Variants in GOT1 observed in about 807,000 individuals in gnomAD.
GOT1 encodes aspartate aminotransferase, cytoplasmic.
In GOT1, 25 loss-of-function variants were observed where a neutral mutation model predicts 48.2. That is an observed-to-expected ratio of 0.52 (90% confidence interval 0.38 to 0.72). GOT1 has a LOEUF of 0.72. Ranked by LOEUF, GOT1 falls within the 30% of genes least tolerant of loss-of-function variation. GOT1 has a pLI of 0.00. For missense variants in GOT1, 380 were observed against 520.1 expected (o/e 0.73, Z 2.62); for synonymous variants, 188 against 193.8 (o/e 0.97, Z 0.25).
At chr10:99,417,727 A>G (rs1161902719) in intron 2 of GOT1, among the ~76,000 whole-genome samples, 1 of 151,692 alleles carries the variant, frequency 6.6e-6, no homozygotes, top group Non-Finnish European at 1.5e-5. Flanking sequence ...GGCACATATA[A>G]AAGGATGAGT....
chr10:99,420,069 C>T (rs2032947062), intron 2 of GOT1, among the ~76,000 whole-genome samples: 1 of 152,180 alleles, frequency 6.6e-6, no homozygotes, highest in Admixed American at 6.5e-5. Context: ...CTACTAGTAG[C>T]TCCTGAACCC....
intron 1 of GOT1, 54 bp downstream of exon 1, chr10:99,430,394 T>C: frequency 3.1e-6 from 5 of 1,604,468 alleles, no homozygotes; most frequent in Non-Finnish European, 4.3e-6. Flanking sequence ...ACGACCTGGG[T>C]TGGGTCCGCT....
At chr10:99,398,676 A>G (rs1254635200) in intron 8 of GOT1, among the ~76,000 whole-genome samples, 1 of 152,048 alleles carries the variant, frequency 6.6e-6, no homozygotes. Context: ...GTCTCAAAAA[A>G]AAAAAGAATT....
chr10:99,410,857 A>C (rs1456194816), intron 2 of GOT1, among the ~76,000 whole-genome samples: 1 of 152,234 alleles, frequency 6.6e-6, no homozygotes, highest in Non-Finnish European at 1.5e-5. Context: ...CTGGGTAAAC[A>C]AGAGTATCCA....
chr10:99,397,395 G>C lies in GOT1; in HGVS notation c.*152C>G. 1.3e-6 allele frequency: 1 copy of C among 761,924 alleles called. No individual in the cohort carries two copies. 47.2% of individuals were successfully genotyped at this position (761,924 alleles called of 1,614,324 possible). Reference sequence around the variant, plus strand: ...TCGTCTCAAGGGATGTTCTCTTCATGTGGGGCCGGTTTAAACAGAGGCTGC... The same window carrying C: ...TCGTCTCAAGGGATGTTCTCTTCATCTGGGGCCGGTTTAAACAGAGGCTGC... On this transcript the variant is annotated 3_prime_UTR_variant, in exon 9 of 9. Coordinates refer to ENST00000370508, the MANE Select transcript of GOT1 (RefSeq NM_002079.3). This position sits in a 1 kb window ranked among gnomAD's most constrained non-coding sequence, Gnocchi z 5.4.
Position 99,430,501 on chromosome 10 carries a change from G to A in GOT1, c.65C>T (p.Thr22Ile). Residue 22 changes from threonine (T) to isoleucine (I), a missense_variant, in exon 1 of 9, where the codon ACT becomes ATT. Physicochemically the swap from Thr to Ile is moderately conservative, Grantham distance 89. Coordinates refer to ENST00000370508, the MANE Select transcript of GOT1 (RefSeq NM_002079.3). ...GTCCGGATCCTCCCTGAAGTCGGCA[G>A]TGAGCTTGAAGACCAGGACAGGCTG... ...QAQPVLVFKLTADFREDPDPR... is the reference protein window; with the variant it reads ...QAQPVLVFKLIADFREDPDPR... 6.2e-7 allele frequency: 1 copy of A among 1,612,704 alleles called. No individual in the cohort carries two copies. Among genetic ancestry groups the A allele is most frequent in the Non-Finnish European group, 8.5e-7 (1 of 1,179,114 alleles).
intron 8 of GOT1, among the ~76,000 whole-genome samples, chr10:99,398,125 T>C (rs1021437559): frequency 2.0e-5 from 3 of 152,304 alleles, no homozygotes; most frequent in Admixed American, 1.3e-4. Context: ...TTACAATACA[T>C]TGGGTAAGGC....
chr10:99,397,529 T>G lies in GOT1; in HGVS notation c.*18A>C, dbSNP rs767829544. On this transcript the variant is annotated 3_prime_UTR_variant, in exon 9 of 9. Transcript: ENST00000370508. The surrounding 1 kb of genome is among the most constrained non-coding windows in gnomAD (Gnocchi z 5.4). Reference sequence around the variant, plus strand: ...TGACAGAGAACTACTTTGGTGGTACTGGACGGGTGGTGTTTCTTCACTGGA... The same window carrying G: ...TGACAGAGAACTACTTTGGTGGTACGGGACGGGTGGTGTTTCTTCACTGGA... 1 of 1,613,040 alleles carries G rather than the reference T, an allele frequency of 6.2e-7. No homozygotes were observed. The highest frequency in any genetic ancestry group is 8.5e-7 in the Non-Finnish European group (1 of 1,179,580).
chr10:99,415,117 C>T (rs1589940169), intron 2 of GOT1, among the ~76,000 whole-genome samples: 1 of 152,036 alleles, frequency 6.6e-6, no homozygotes, highest in South Asian at 2.1e-4. Context: ...GAGACAGAGA[C>T]ACAAAAAACC....
At chr10:99,405,630 A>AT (rs1025431165) in intron 5 of GOT1, 126 bp downstream of exon 5, 3 of 617,870 alleles carry the variant, frequency 4.9e-6, no homozygotes, top group Admixed American at 2.7e-5. Flanking sequence ...GTTAATACTT[A>AT]TTTTCTTCTT....
At chr10:99,399,915 A>G (rs1236311888) in intron 8 of GOT1, among the ~76,000 whole-genome samples, 1 of 152,226 alleles carries the variant, frequency 6.6e-6, no homozygotes, top group African/African-American at 2.4e-5. Flanking sequence ...AAGCTTAAGA[A>G]GAGGTTTACC....
chr10:99,397,525 G>A lies in GOT1; in HGVS notation c.*22C>T. 1.2e-6 allele frequency: 2 copies of A among 1,612,376 alleles called. No individual in the cohort carries two copies. The highest frequency in any genetic ancestry group is 1.1e-5 in the South Asian group (1 of 91,020). On this transcript the variant is annotated 3_prime_UTR_variant, in exon 9 of 9. Transcript: ENST00000370508. This position sits in a 1 kb window ranked among gnomAD's most constrained non-coding sequence, Gnocchi z 5.4. Reference sequence around the variant, plus strand: ...CACATGACAGAGAACTACTTTGGTGGTACTGGACGGGTGGTGTTTCTTCAC... The same window carrying A: ...CACATGACAGAGAACTACTTTGGTGATACTGGACGGGTGGTGTTTCTTCAC...
At position 99,397,728 on chromosome 10, in the gene GOT1, T is replaced by A; in HGVS notation, c.1103-42A>T. ...GAAGACATAATCAGAGCAGAGGGGA[T>A]CCTTAAAGCAGTGGAGGCTCAGCAA... On this transcript the variant is annotated intron_variant, in intron 8 of 8. Transcript: ENST00000370508. The surrounding 1 kb of genome is among the most constrained non-coding windows in gnomAD (Gnocchi z 5.4). The A allele has an allele frequency of 1.3e-6, 2 of 1,597,624 alleles. No individual in the cohort carries two copies. The highest frequency in any genetic ancestry group is 8.6e-7 in the Non-Finnish European group (1 of 1,165,564).
chr10:99,417,609 G>T (rs1442090212), intron 2 of GOT1, among the ~76,000 whole-genome samples: 2 of 152,170 alleles, frequency 1.3e-5, no homozygotes, highest in East Asian at 3.8e-4. Context: ...AAATCATGCT[G>T]CTATAAAGAC....
At chr10:99,404,229 G>C (rs2032724524) in intron 5 of GOT1, among the ~76,000 whole-genome samples, 1 of 152,024 alleles carries the variant, frequency 6.6e-6, no homozygotes, top group African/African-American at 2.4e-5. Flanking sequence ...GTATCCCCAG[G>C]GCTCCTCATG....
intron 1 of GOT1, 87 bp from the exon 2 acceptor site, chr10:99,420,892 C>T: frequency 9.4e-7 from 1 of 1,067,364 alleles, no homozygotes; most frequent in South Asian, 1.5e-5. Flanking sequence ...GAGAATCCCA[C>T]CACCTTCCGG....
At chr10:99,429,378 A>G in intron 1 of GOT1, among the ~76,000 whole-genome samples, 1 of 147,716 alleles carries the variant, frequency 6.8e-6, no homozygotes. Context: ...AACAAATGCT[A>G]TGCACAGACA....
At chr10:99,406,319 T>G in intron 3 of GOT1, 70 bp from the exon 4 acceptor site, 7 of 1,136,474 alleles carry the variant, frequency 6.2e-6, no homozygotes, top group Non-Finnish European at 9.4e-6. Flanking sequence ...AGGATGCAAG[T>G]CAGCTTCCAG....
At chr10:99,411,205 G>C (rs1026070938) in intron 2 of GOT1, among the ~76,000 whole-genome samples, 1 of 152,222 alleles carries the variant, frequency 6.6e-6, no homozygotes, top group Non-Finnish European at 1.5e-5. Context: ...GCGAGAGTGG[G>C]ATGTCATGAT....
Sources: allele counts gnomAD v4.1 joint callset (sites outside exome capture counted in the v4.1 genomes callset), GRCh38; gene constraint gnomAD v4.1.1; non-coding constraint Gnocchi (gnomAD v3.1); transcripts MANE v1.5; gene names NCBI Gene and HGNC (gene_info 2026-07-23, HGNC 2026-07-21).